PCSK2: variants seen among roughly 807,000 people sequenced by gnomAD.
PCSK2 encodes proprotein convertase subtilisin/kexin type 2.
A neutral mutation model predicts 69.7 loss-of-function variants in PCSK2; 14 were observed. That is an observed-to-expected ratio of 0.20 (90% CI 0.13 to 0.31). The LOEUF (loss-of-function observed/expected upper bound fraction) is 0.31. Among genes scored for constraint, PCSK2 ranks in the 10% least tolerant of loss-of-function variants. PCSK2 has a pLI of 1.00. For missense variants in PCSK2, 544 were observed against 842.5 expected (o/e 0.65, Z 4.39); for synonymous variants, 307 against 320.7 (o/e 0.96, Z 0.46).
At position 17,227,427 on chromosome 20, in the gene PCSK2, G is replaced by C. The variant is rs143669642; in HGVS notation, c.122G>C (p.Gly41Ala). 4.0e-5 allele frequency: 65 copies of C among 1,613,858 alleles called. No homozygotes were observed. Among genetic ancestry groups the C allele is most frequent in the South Asian group, 7.7e-5 (7 of 91,078 alleles). Residue 41 changes from glycine to alanine, a missense_variant, in exon 1 of 12, where the codon GGG (glycine) becomes GCG (alanine). Gly to Ala is a moderately conservative substitution (Grantham distance 60). Transcript: ENST00000262545. Reference sequence around the variant, plus strand: ...CATTTTCTTGTGGAGTTGCATAAAGGGGGAGAGGACAAAGCTCGCCAAGTT... The same window carrying C: ...CATTTTCTTGTGGAGTTGCATAAAGCGGGAGAGGACAAAGCTCGCCAAGTT... ...TNHFLVELHK[G>A]GEDKARQVAA...
intron 5 of PCSK2, among the ~76,000 whole-genome samples, chr20:17,380,197 G>A (rs1261316081): frequency 1.3e-5 from 2 of 152,176 alleles, no homozygotes; most frequent in Non-Finnish European, 2.9e-5. Flanking sequence ...TTGCTATACA[G>A]CAATAAAAAA....
intron 5 of PCSK2, among the ~76,000 whole-genome samples, chr20:17,390,186 G>A (rs1237556842): frequency 6.6e-6 from 1 of 152,154 alleles, no homozygotes; most frequent in African/African-American, 2.4e-5. Context: ...TTTACATGAA[G>A]CTCTAAAGCC....
At chr20:17,354,349 A>G (rs1288047659) in intron 2 of PCSK2, among the ~76,000 whole-genome samples, 1 of 152,224 alleles carries the variant, frequency 6.6e-6, no homozygotes, top group Admixed American at 6.5e-5. Context: ...AGTTGTATGC[A>G]TGTTATTCGT....
At chr20:17,338,349 A>T (rs948750918) in intron 2 of PCSK2, among the ~76,000 whole-genome samples, 5 of 152,074 alleles carry the variant, frequency 3.3e-5, no homozygotes, top group Non-Finnish European at 7.4e-5. Context: ...GGTGGGCACC[A>T]CCAAGCCTGT....
intron 1 of PCSK2, among the ~76,000 whole-genome samples, chr20:17,257,605 T>C (rs1168230494): frequency 1.3e-5 from 2 of 152,226 alleles, no homozygotes; most frequent in Non-Finnish European, 2.9e-5. Context: ...GAGGTTTTCT[T>C]AAAGACCTTG....
chr20:17,408,453 T>C (rs2031799385), intron 5 of PCSK2, among the ~76,000 whole-genome samples: 1 of 151,998 alleles, frequency 6.6e-6, no homozygotes, highest in Non-Finnish European at 1.5e-5. Context: ...AATTATTTTA[T>C]GTGGGGAAAG....
chr20:17,401,379 T>TTC (rs2123288972), intron 5 of PCSK2, among the ~76,000 whole-genome samples: 1 of 152,254 alleles, frequency 6.6e-6, no homozygotes, highest in Admixed American at 6.5e-5. Context: ...CTGCCACATC[T>TTC]TCACATAGTG....
At chr20:17,281,016 G>T (rs1222005797) in intron 2 of PCSK2, among the ~76,000 whole-genome samples, 1 of 152,140 alleles carries the variant, frequency 6.6e-6, no homozygotes, top group East Asian at 1.9e-4. Context: ...CGCCATATTT[G>T]CCTTCTCCTT....
At chr20:17,376,503 G>C (rs148803078) in intron 5 of PCSK2, among the ~76,000 whole-genome samples, 3,006 of 152,206 alleles carry the variant, frequency 0.02, 38 homozygotes, top group Middle Eastern at 0.041. Context: ...TAGACCTACT[G>C]AATCAAAATC....
At chr20:17,255,935 T>C (rs1592022) in intron 1 of PCSK2, among the ~76,000 whole-genome samples, 76,669 of 151,812 alleles carry the variant, frequency 0.51, 19,524 homozygotes, top group East Asian at 0.66. Flanking sequence ...CTTGTGGTAT[T>C]TCTGTCTTTT....
intron 2 of PCSK2, among the ~76,000 whole-genome samples, chr20:17,326,805 T>A (rs1990068007): frequency 6.6e-6 from 1 of 152,174 alleles, no homozygotes; most frequent in African/African-American, 2.4e-5. Context: ...AAAGGATTTA[T>A]TTGTACCCAC....
chr20:17,339,121 C>T (rs1269288380), intron 2 of PCSK2, among the ~76,000 whole-genome samples: 1 of 152,182 alleles, frequency 6.6e-6, no homozygotes, highest in Non-Finnish European at 1.5e-5. Context: ...ACTTTTCAGA[C>T]CCCATACAAC....
intron 2 of PCSK2, among the ~76,000 whole-genome samples, chr20:17,308,929 T>C (rs1989417106): frequency 6.6e-6 from 1 of 152,126 alleles, no homozygotes; most frequent in Non-Finnish European, 1.5e-5. Context: ...CCACCACTTC[T>C]GCCAAACTCT....
intron 11 of PCSK2, among the ~76,000 whole-genome samples, chr20:17,467,927 C>T (rs754174699): frequency 8.6e-5 from 13 of 151,632 alleles, no homozygotes; most frequent in Admixed American, 2.0e-4. Flanking sequence ...AAATAATTGT[C>T]TGATTTTTAT....
At chr20:17,321,801 T>C (rs1600489716) in intron 2 of PCSK2, among the ~76,000 whole-genome samples, 1 of 151,996 alleles carries the variant, frequency 6.6e-6, no homozygotes, top group African/African-American at 2.4e-5. Context: ...TTAAAAAGAG[T>C]TGAAAATAAT....
intron 2 of PCSK2, among the ~76,000 whole-genome samples, chr20:17,304,618 A>G (rs1989268770): frequency 6.6e-6 from 1 of 152,150 alleles, no homozygotes; most frequent in South Asian, 2.1e-4. Context: ...TGTAATTTCC[A>G]TAAGGCAACT....
chr20:17,436,193 T>C (rs1320655626), intron 7 of PCSK2, among the ~76,000 whole-genome samples: 1 of 152,116 alleles, frequency 6.6e-6, no homozygotes, highest in African/African-American at 2.4e-5. Context: ...ACAGTGCAAA[T>C]GGGAGTTCCT....
chr20:17,232,695 G>A (rs1986185405), intron 1 of PCSK2, among the ~76,000 whole-genome samples: 1 of 152,064 alleles, frequency 6.6e-6, no homozygotes, highest in African/African-American at 2.4e-5. Flanking sequence ...TACTTTGTCA[G>A]GCAGCCAATT....
At chr20:17,456,002 G>A (rs1022878169) in intron 9 of PCSK2, among the ~76,000 whole-genome samples, 4 of 152,220 alleles carry the variant, frequency 2.6e-5, no homozygotes, top group Admixed American at 6.5e-5. Context: ...TCCTTTGGAA[G>A]GCTGAGGCAG....
Sources: allele counts gnomAD v4.1 joint callset (sites outside exome capture counted in the v4.1 genomes callset), GRCh38; gene constraint gnomAD v4.1.1; transcripts MANE v1.5; gene names NCBI Gene and HGNC (gene_info 2026-07-23, HGNC 2026-07-21).